Variants in NECAB2 observed in about 807,000 individuals in gnomAD.
The protein encoded by NECAB2 is N-terminal EF-hand calcium binding protein 2.
Under a neutral mutation model 51.9 loss-of-function variants are expected in NECAB2, and 68 were observed. The ratio of observed to expected loss-of-function variants is 1.31; its 90% CI spans 1.08 to 1.60. NECAB2 has a LOEUF of 1.60. NECAB2 is among the 40% of genes most tolerant of loss of function. The pLI, the probability that NECAB2 is intolerant of heterozygous loss-of-function variation, is 0.00. For synonymous variants in NECAB2, 329 were observed against 203.5 expected (o/e 1.62, Z -5.25); for missense variants, 854 against 490.3 (o/e 1.74, Z -7.00).
chr16:83,996,441 C>T (rs1294430438), intron 8 of NECAB2, among the ~76,000 whole-genome samples: 1 of 152,208 alleles, frequency 6.6e-6, no homozygotes, highest in African/African-American at 2.4e-5. Flanking sequence ...CATCCACCTG[C>T]TGCTGTTTTC....
chr16:83,999,269 G>C (rs112081162), intron 10 of NECAB2, among the ~76,000 whole-genome samples: 17 of 119,702 alleles, frequency 1.4e-4, no homozygotes, highest in Middle Eastern at 7.9e-3. Flanking sequence ...TAGCCAGGAT[G>C]GGGGGGCAGG....
At chr16:83,968,953 C>A in intron 1 of NECAB2, 104 bp downstream of exon 1, 1 of 740,724 alleles carries the variant, frequency 1.4e-6, no homozygotes, top group Non-Finnish European at 1.7e-6. Context: ...GAGGCCCTCC[C>A]TACCCGGGCA....
intron 2 of NECAB2, among the ~76,000 whole-genome samples, chr16:83,974,628 A>T (rs1342510942): frequency 6.6e-6 from 1 of 152,176 alleles, no homozygotes; most frequent in East Asian, 1.9e-4. Flanking sequence ...CTCCTTCCAG[A>T]TGACGAAAAC....
intron 2 of NECAB2, among the ~76,000 whole-genome samples, chr16:83,977,736 A>G (rs1025749687): frequency 6.6e-6 from 1 of 152,296 alleles, no homozygotes; most frequent in East Asian, 1.9e-4. Flanking sequence ...GAGGTAACTG[A>G]GAACCTCATG....
intron 6 of NECAB2, among the ~76,000 whole-genome samples, chr16:83,993,837 C>T (rs372082100): frequency 6.6e-6 from 1 of 152,110 alleles, no homozygotes; most frequent in Non-Finnish European, 1.5e-5. Flanking sequence ...CTTTAGGTCT[C>T]GCTTTTATGT....
upstream of NECAB2, chr16:83,966,005 T>G: frequency 6.4e-7 from 1 of 1,555,432 alleles, no homozygotes; most frequent in Non-Finnish European, 8.7e-7. Flanking sequence ...GAAGCCACCC[T>G]AACACTCGGC....
chr16:83,978,008 A>G (rs1382698789), intron 2 of NECAB2, among the ~76,000 whole-genome samples: 5 of 152,210 alleles, frequency 3.3e-5, no homozygotes, highest in Non-Finnish European at 7.3e-5. Flanking sequence ...ACAGTGGGTT[A>G]TCTTAAATAG....
upstream of NECAB2, among the ~76,000 whole-genome samples, chr16:83,967,551 G>A (rs1218378575): frequency 3.5e-5 from 5 of 143,916 alleles, no homozygotes; most frequent in Non-Finnish European, 7.6e-5. Context: ...GAGGATAGAT[G>A]GATGGATGGA....
Position 83,994,449 on chromosome 16 carries a change from G to T in NECAB2, c.715+29G>T, listed in dbSNP as rs148365591. On this transcript the variant is annotated intron_variant, in intron 7 of 12. Transcript: ENST00000305202. ...AGAGAAAGCGGGGGCCCTGGTGGGG[G>T]TACCAGCTGGGGGTCCCGAGGAGTT... 1.5e-4 allele frequency: 239 copies of T among 1,610,532 alleles called. No homozygotes were observed. The African/African-American group carries it at 3.0e-3, about 20-fold the overall frequency.
At chr16:83,990,313 A>G (rs1454687236) in intron 5 of NECAB2, among the ~76,000 whole-genome samples, 181 bp from the exon 6 acceptor site, 1 of 152,170 alleles carries the variant, frequency 6.6e-6, no homozygotes, top group Non-Finnish European at 1.5e-5. Flanking sequence ...CTAAACCTCT[A>G]GCCTCTGCGT....
chr16:84,001,561 A>AG (rs539981360), intron 11 of NECAB2, among the ~76,000 whole-genome samples: 3 of 152,062 alleles, frequency 2.0e-5, no homozygotes, highest in Non-Finnish European at 4.4e-5. Flanking sequence ...GCTAGGGTAA[A>AG]GGGGGAGGTA....
chr16:83,997,028 C>G (rs923833567), intron 8 of NECAB2, among the ~76,000 whole-genome samples, 188 bp from the exon 9 acceptor site: 1 of 150,494 alleles, frequency 6.6e-6, no homozygotes, highest in Non-Finnish European at 1.5e-5. Flanking sequence ...CTCACCCCAG[C>G]AACATGTTCT....
At chr16:83,972,002 CGGGGAG>C in intron 1 of NECAB2, 143 bp from the exon 2 acceptor site, 1 of 1,045,856 alleles carries the variant, frequency 9.6e-7, no homozygotes, top group South Asian at 1.5e-5. Flanking sequence ...GATCCCAGCC[CGGGGAG>C]GGGGAGAGGG....
intron 8 of NECAB2, among the ~76,000 whole-genome samples, chr16:83,995,853 G>C (rs28615624): frequency 6.6e-6 from 1 of 152,196 alleles, no homozygotes; most frequent in Non-Finnish European, 1.5e-5. Context: ...AGCCAGCTGC[G>C]GGAGCGGCTC....
At chr16:83,999,242 G>C (rs943318541) in intron 10 of NECAB2, among the ~76,000 whole-genome samples, 8 of 151,426 alleles carry the variant, frequency 5.3e-5, no homozygotes, top group Non-Finnish European at 2.9e-5. Context: ...GGCCACGAGG[G>C]GCCATTCTTG....
chr16:83,990,980 T>G (rs2084616709), intron 6 of NECAB2, among the ~76,000 whole-genome samples: 1 of 152,102 alleles, frequency 6.6e-6, no homozygotes, highest in Admixed American at 6.6e-5. Context: ...CACGTTTTAT[T>G]TATTTATTTA....
chr16:84,001,988 C>T lies in NECAB2; in HGVS notation c.1132+72C>T, dbSNP rs1029215297. The T allele has an allele frequency of 7.9e-6, 12 of 1,515,368 alleles. No homozygotes were observed. In the African/African-American group the frequency reaches 8.3e-5, roughly 11 times the overall value. 93.9% of individuals were successfully genotyped at this position (1,515,368 alleles called of 1,614,324 possible). On this transcript the variant is annotated intron_variant, in intron 12 of 12. Coordinates refer to ENST00000305202, the MANE Select transcript of NECAB2 (RefSeq NM_019065.3). Reference sequence around the variant, plus strand: ...AAGGGCAAGAGCCTAGAGGCTGCCCCATATCTCCCGGGGACTTGCCTGCTT... The same window carrying T: ...AAGGGCAAGAGCCTAGAGGCTGCCCTATATCTCCCGGGGACTTGCCTGCTT...
intron 11 of NECAB2, among the ~76,000 whole-genome samples, chr16:84,001,424 C>T (rs553517950): frequency 3.5e-4 from 53 of 152,220 alleles, no homozygotes; most frequent in East Asian, 2.3e-3. Context: ...GGAACAGGGG[C>T]GGTCATGAGA....
At chr16:83,997,013 C>G (rs1046334962) in intron 8 of NECAB2, among the ~76,000 whole-genome samples, 5 of 152,090 alleles carry the variant, frequency 3.3e-5, no homozygotes, top group African/African-American at 1.2e-4. Context: ...CTCTCCCAAG[C>G]CATCCTCACC....
Sources: allele counts gnomAD v4.1 joint callset (sites outside exome capture counted in the v4.1 genomes callset), GRCh38; gene constraint gnomAD v4.1.1; transcripts MANE v1.5; gene names NCBI Gene and HGNC (gene_info 2026-07-23, HGNC 2026-07-21).